NCAM2: variants seen among roughly 807,000 people sequenced by gnomAD.
NCAM2 encodes neural cell adhesion molecule 2.
NCAM2 carries 30 observed loss-of-function variants against 98.1 expected under a neutral mutation model. The observed-to-expected ratio is 0.31, with a 90% CI of 0.23 to 0.41. The LOEUF is 0.41. NCAM2 is among the 10% of genes least tolerant of loss of function. NCAM2 has a pLI of 1.00. For synonymous variants in NCAM2, 368 were observed against 342.4 expected, an observed-to-expected ratio of 1.07 and a Z score of -0.83; for missense variants, 867 against 1,005.8, an observed-to-expected ratio of 0.86 and a Z score of 1.87.
chr21:21,222,987 A>C (rs1298775007), intron 1 of NCAM2, among the ~76,000 whole-genome samples: 1 of 152,206 alleles, frequency 6.6e-6, no homozygotes, highest in Non-Finnish European at 1.5e-5. Context: ...ATCAGTCTGC[A>C]GCCATGACGT....
intron 1 of NCAM2, among the ~76,000 whole-genome samples, chr21:21,072,057 C>T (rs991018295): frequency 3.9e-5 from 6 of 152,010 alleles, no homozygotes; most frequent in Non-Finnish European, 7.4e-5. Context: ...GGACTACAGG[C>T]ACCCGCCACC....
chr21:21,491,848 G>T (rs1170980551), intron 15 of NCAM2, among the ~76,000 whole-genome samples: 1 of 151,254 alleles, frequency 6.6e-6, no homozygotes, highest in East Asian at 1.9e-4. Context: ...CTTATATATT[G>T]TAATACTTAT....
intron 7 of NCAM2, 65 bp from the exon 8 acceptor site, chr21:21,338,324 G>T (rs985991668): frequency 8.9e-6 from 13 of 1,460,506 alleles, no homozygotes; most frequent in Admixed American, 5.3e-5. Context: ...CACCCATCAT[G>T]ACTTTTGTCT....
chr21:21,264,945 A>ATATATACACATATATATATAT (rs2072092278), intron 1 of NCAM2, among the ~76,000 whole-genome samples: 2 of 11,022 alleles, frequency 1.8e-4, no homozygotes, highest in Non-Finnish European at 4.9e-4. Context: ...ATGTGTGTGT[A>ATATATACACATATATATATAT]TATATATGTG....
chr21:21,018,584 GGTCTATCATCGT>G (rs1429116533), intron 1 of NCAM2, among the ~76,000 whole-genome samples: 2 of 152,080 alleles, frequency 1.3e-5, no homozygotes, highest in African/African-American at 4.8e-5. Context: ...ATATTTCAGT[GGTCTATCATCGT>G]GTCCCTTTTG....
chr21:21,470,720 A>G (rs939384113), intron 14 of NCAM2, among the ~76,000 whole-genome samples: 4 of 152,008 alleles, frequency 2.6e-5, no homozygotes, highest in African/African-American at 9.7e-5. Flanking sequence ...CAGAAGTGCT[A>G]GAGGATCTGT....
intron 11 of NCAM2, among the ~76,000 whole-genome samples, chr21:21,421,176 G>A (rs1222636312): frequency 6.6e-6 from 1 of 151,848 alleles, no homozygotes. Flanking sequence ...ACATTATGTT[G>A]ATTAGGTTTA....
chr21:21,314,491 G>T (rs2074157036), intron 5 of NCAM2, among the ~76,000 whole-genome samples: 1 of 152,074 alleles, frequency 6.6e-6, no homozygotes, highest in Non-Finnish European at 1.5e-5. Flanking sequence ...GTTCGATGCT[G>T]TTGGCCTATT....
chr21:21,047,017 G>A (rs1328537415), intron 1 of NCAM2, among the ~76,000 whole-genome samples: 1 of 151,472 alleles, frequency 6.6e-6, no homozygotes, highest in Non-Finnish European at 1.5e-5. Context: ...CTGCCTAAGT[G>A]TTTATAGCTG....
intron 1 of NCAM2, among the ~76,000 whole-genome samples, chr21:21,097,310 CA>C (rs1360362439): frequency 6.6e-6 from 1 of 151,544 alleles, no homozygotes; most frequent in Non-Finnish European, 1.5e-5. Flanking sequence ...TACTTTATGC[CA>C]GTATAGTCAA....
chr21:21,344,621 C>T (rs1221941615), intron 8 of NCAM2, among the ~76,000 whole-genome samples: 2 of 152,068 alleles, frequency 1.3e-5, no homozygotes, highest in Admixed American at 1.3e-4. Context: ...CCATAGAACA[C>T]CAGGTAGACT....
chr21:21,353,550 G>C (rs886909465), intron 8 of NCAM2, among the ~76,000 whole-genome samples: 1 of 152,130 alleles, frequency 6.6e-6, no homozygotes. Flanking sequence ...TCCTATGCTA[G>C]ATGAAGATAG....
At chr21:21,219,996 G>A (rs766344920) in intron 1 of NCAM2, among the ~76,000 whole-genome samples, 21 of 152,058 alleles carry the variant, frequency 1.4e-4, no homozygotes, top group Non-Finnish European at 2.6e-4. Flanking sequence ...TATGAAGAAA[G>A]AAAGCATTTA....
intron 6 of NCAM2, among the ~76,000 whole-genome samples, chr21:21,328,753 T>A (rs1025278974): frequency 6.6e-6 from 1 of 151,706 alleles, no homozygotes; most frequent in Non-Finnish European, 1.5e-5. Flanking sequence ...TAAAAAAAGC[T>A]AAGGTGAATT....
At chr21:21,427,573 CA>C (rs2077242054) in intron 11 of NCAM2, among the ~76,000 whole-genome samples, 2 of 152,102 alleles carry the variant, frequency 1.3e-5, no homozygotes, top group South Asian at 2.1e-4. Flanking sequence ...TGGTAGTTGC[CA>C]GGGGCTGGGG....
chr21:21,493,710 TCCTC>T (rs1987008804), intron 15 of NCAM2, among the ~76,000 whole-genome samples: 1 of 151,940 alleles, frequency 6.6e-6, no homozygotes, highest in Non-Finnish European at 1.5e-5. Flanking sequence ...AATCCTCTCT[TCCTC>T]CCTCCTTTCT....
At chr21:21,235,310 A>C (rs2070775855) in intron 1 of NCAM2, among the ~76,000 whole-genome samples, 1 of 152,026 alleles carries the variant, frequency 6.6e-6, no homozygotes, top group Admixed American at 6.6e-5. Context: ...GAAGTACTTG[A>C]GATTGAAATG....
At chr21:21,242,442 A>G (rs1231725718) in intron 1 of NCAM2, among the ~76,000 whole-genome samples, 4 of 152,148 alleles carry the variant, frequency 2.6e-5, no homozygotes, top group East Asian at 1.9e-4. Context: ...CTTATTCCTC[A>G]TATCTAACTG....
At chr21:21,394,447 C>A in intron 9 of NCAM2, among the ~76,000 whole-genome samples, 1 of 124,242 alleles carries the variant, frequency 8.0e-6, no homozygotes, top group Admixed American at 8.5e-5. Flanking sequence ...GCAGTTAGAC[C>A]TTAGTTAATT....
Sources: allele counts gnomAD v4.1 joint callset (sites outside exome capture counted in the v4.1 genomes callset), GRCh38; gene constraint gnomAD v4.1.1; transcripts MANE v1.5; gene names NCBI Gene and HGNC (gene_info 2026-07-23, HGNC 2026-07-21).